CCDC170: variants seen among roughly 807,000 people sequenced by gnomAD.
CCDC170 encodes the protein coiled-coil domain-containing protein 170.
Under a neutral mutation model 72.6 loss-of-function variants are expected in CCDC170, and 69 were observed. That is an observed-to-expected ratio of 0.95 (90% CI 0.78 to 1.16). The LOEUF (loss-of-function observed/expected upper bound fraction) is 1.16. Ranked by LOEUF, CCDC170 falls within the 50% of genes most tolerant of loss-of-function variation. The pLI is 0.00. For missense variants in CCDC170, 852 were observed against 832.5 expected (o/e 1.02, Z -0.29); for synonymous variants, 300 against 303.9 (o/e 0.99, Z 0.13).
At chr6:151,566,231 G>A (rs1035716550) in intron 5 of CCDC170, among the ~76,000 whole-genome samples, 6 of 152,296 alleles carry the variant, frequency 3.9e-5, no homozygotes, top group Admixed American at 2.0e-4. Flanking sequence ...ATTGGCTCAT[G>A]GGCCTGAGCA....
At chr6:151,524,514 G>A (rs1782372577) in intron 1 of CCDC170, among the ~76,000 whole-genome samples, 1 of 152,158 alleles carries the variant, frequency 6.6e-6, no homozygotes, top group Non-Finnish European at 1.5e-5. Flanking sequence ...ATGTAAAACT[G>A]AAAACCTAAT....
intron 5 of CCDC170, among the ~76,000 whole-genome samples, chr6:151,552,026 GTTTT>G (rs34498397): frequency 7.7e-6 from 1 of 129,640 alleles, no homozygotes; most frequent in Admixed American, 7.6e-5. Context: ...TTAGTGTCAG[GTTTT>G]TTTTTTTTTT....
intron 5 of CCDC170, among the ~76,000 whole-genome samples, chr6:151,563,004 G>C (rs1009421181): frequency 6.6e-6 from 1 of 152,190 alleles, no homozygotes; most frequent in African/African-American, 2.4e-5. Context: ...CCACAGTGTG[G>C]CTGCAGGCCA....
intron 1 of CCDC170, among the ~76,000 whole-genome samples, chr6:151,513,845 G>C (rs1015569414): frequency 1.3e-5 from 2 of 150,478 alleles, no homozygotes; most frequent in African/African-American, 4.9e-5. Flanking sequence ...GCTTGAGCCT[G>C]GGAGGTGGAG....
chr6:151,568,127 A>T (rs1776166099), intron 5 of CCDC170, among the ~76,000 whole-genome samples: 1 of 151,190 alleles, frequency 6.6e-6, no homozygotes, highest in Non-Finnish European at 1.5e-5. Context: ...AAAAAAAAAA[A>T]AAAAGGGAGT....
chr6:151,522,087 G>A (rs1481461008), intron 1 of CCDC170, among the ~76,000 whole-genome samples: 1 of 152,098 alleles, frequency 6.6e-6, no homozygotes, highest in Admixed American at 6.6e-5. Context: ...CTGAACCTGG[G>A]AGGTGGAGGT....
At chr6:151,581,443 C>T (rs1554224738) in intron 6 of CCDC170, among the ~76,000 whole-genome samples, 2 of 152,192 alleles carry the variant, frequency 1.3e-5, no homozygotes, top group Non-Finnish European at 2.9e-5. Flanking sequence ...GAGGTTACAG[C>T]AATTCAGTCA....
chr6:151,514,536 G>T (rs942052621), intron 1 of CCDC170, among the ~76,000 whole-genome samples: 1 of 152,164 alleles, frequency 6.6e-6, no homozygotes, highest in African/African-American at 2.4e-5. Context: ...GTGAAACAGC[G>T]ATGAAAGCTC....
Position 151,573,503 on chromosome 6 carries a change from A to T in CCDC170, c.1092+12A>T. On this transcript the variant is annotated intron_variant, in intron 6 of 10. Coordinates refer to ENST00000239374, the MANE Select transcript of CCDC170 (RefSeq NM_025059.4). Reference sequence around the variant, plus strand: ...AAAGCAGGGACCGGGTGAGTGGGTCATGGCTGTTTACAGACATCTTAAGAA... The same window carrying T: ...AAAGCAGGGACCGGGTGAGTGGGTCTTGGCTGTTTACAGACATCTTAAGAA... 1.2e-6 allele frequency: 2 copies of T among 1,608,546 alleles called. No homozygotes were observed. The highest frequency in any genetic ancestry group is 1.3e-5 in the African/African-American group (1 of 74,870).
At chr6:151,535,247 A>T (rs1360518590) in intron 1 of CCDC170, among the ~76,000 whole-genome samples, 2 of 152,180 alleles carry the variant, frequency 1.3e-5, no homozygotes, top group Non-Finnish European at 2.9e-5. Flanking sequence ...AACTGGAATG[A>T]TTTGGAATTG....
chr6:151,552,577 G>A (rs978171608), intron 5 of CCDC170, among the ~76,000 whole-genome samples: 2 of 151,968 alleles, frequency 1.3e-5, no homozygotes, highest in South Asian at 4.2e-4. Context: ...TTTATTTACT[G>A]TGTTATAATC....
At chr6:151,560,162 T>G (rs1408606373) in intron 5 of CCDC170, among the ~76,000 whole-genome samples, 1 of 152,218 alleles carries the variant, frequency 6.6e-6, no homozygotes, top group Non-Finnish European at 1.5e-5. Context: ...TGTTGTATCT[T>G]TATTTTAATT....
intron 1 of CCDC170, among the ~76,000 whole-genome samples, chr6:151,502,425 A>G (rs540116653): frequency 6.6e-6 from 1 of 152,322 alleles, no homozygotes; most frequent in Admixed American, 6.5e-5. Context: ...TCATTGACTG[A>G]ATTTCCCTTA....
At chr6:151,505,064 A>G (rs925665058) in intron 1 of CCDC170, among the ~76,000 whole-genome samples, 1 of 152,216 alleles carries the variant, frequency 6.6e-6, no homozygotes, top group Admixed American at 6.5e-5. Context: ...TCAGGTAGAG[A>G]GTAAAAAGTG....
chr6:151,602,890 T>A (rs1776732053), intron 9 of CCDC170, among the ~76,000 whole-genome samples: 1 of 150,974 alleles, frequency 6.6e-6, no homozygotes, highest in Admixed American at 6.6e-5. Context: ...AACCTCCACC[T>A]CCCAGGTTCA....
chr6:151,586,847 T>C (rs1027326179), intron 7 of CCDC170, among the ~76,000 whole-genome samples: 10 of 151,992 alleles, frequency 6.6e-5, no homozygotes, highest in South Asian at 2.1e-4. Flanking sequence ...TGCAGTGGCG[T>C]GATCTCGACT....
intron 9 of CCDC170, among the ~76,000 whole-genome samples, chr6:151,610,275 C>T (rs964502175): frequency 6.6e-6 from 1 of 152,082 alleles, no homozygotes; most frequent in African/African-American, 2.4e-5. Flanking sequence ...ATTATGTATA[C>T]ATATATATCA....
At chr6:151,569,851 TC>T (rs1224467125) in intron 5 of CCDC170, among the ~76,000 whole-genome samples, 1 of 152,098 alleles carries the variant, frequency 6.6e-6, no homozygotes, top group African/African-American at 2.4e-5. Flanking sequence ...GGCTCTCGAG[TC>T]CTGCATTTTA....
At chr6:151,552,745 G>A (rs1164513444) in intron 5 of CCDC170, among the ~76,000 whole-genome samples, 1 of 148,778 alleles carries the variant, frequency 6.7e-6, no homozygotes, top group Non-Finnish European at 1.5e-5. Context: ...CAATATTCAG[G>A]CCACTGAACT....
Sources: gnomAD v4.1 joint callset for allele counts (sites outside exome capture counted in the v4.1 genomes callset) on GRCh38, gnomAD v4.1.1 for gene constraint, MANE v1.5 for transcripts, NCBI Gene and HGNC (gene_info 2026-07-23, HGNC 2026-07-21) for gene names.